Variants in NOS1 observed in about 807,000 individuals in gnomAD.
The protein encoded by NOS1 is nitric oxide synthase 1.
A neutral mutation model predicts 164.5 loss-of-function variants in NOS1; 51 were observed. The observed-to-expected ratio is 0.31, with a 90% CI of 0.25 to 0.39. The LOEUF (loss-of-function observed/expected upper bound fraction) is 0.39, where lower values mean the gene tolerates loss of function less well. NOS1 is among the 10% of genes least tolerant of loss of function. The pLI is 1.00. For missense variants in NOS1, 1,362 were observed against 1,885.6 expected (o/e 0.72, Z 5.14); for synonymous variants, 719 against 745.8 (o/e 0.96, Z 0.59).
intron 28 of NOS1, among the ~76,000 whole-genome samples, chr12:117,217,341 C>A (rs780890843): frequency 3.9e-5 from 6 of 152,116 alleles, no homozygotes; most frequent in Non-Finnish European, 8.8e-5. Context: ...GTAGAAGAAA[C>A]CCTTGCCCTA....
chr12:117,360,499 T>C (rs937329586), intron 1 of NOS1, among the ~76,000 whole-genome samples: 15 of 152,202 alleles, frequency 9.9e-5, no homozygotes, highest in Non-Finnish European at 2.9e-5. Context: ...GAAGCACAAC[T>C]TTCCCAGGTT....
intron 26 of NOS1, among the ~76,000 whole-genome samples, chr12:117,222,284 C>T (rs1044534542): frequency 6.6e-6 from 1 of 152,092 alleles, no homozygotes; most frequent in African/African-American, 2.4e-5. Flanking sequence ...GAGATGGAGT[C>T]TCACTTTGTC....
chr12:117,352,434 C>G (rs964223075), intron 1 of NOS1, among the ~76,000 whole-genome samples: 1 of 152,160 alleles, frequency 6.6e-6, no homozygotes, highest in Non-Finnish European at 1.5e-5. Flanking sequence ...AAACCTCAAG[C>G]TCATTTCTCA....
intron 12 of NOS1, 51 bp from the exon 13 acceptor site, chr12:117,264,025 G>A: frequency 1.3e-6 from 2 of 1,484,022 alleles, no homozygotes; most frequent in Non-Finnish European, 1.9e-6. Flanking sequence ...GAGGGCATCT[G>A]GTTCCTGTTG....
chr12:117,332,733 C>T (rs1049423419), intron 1 of NOS1, among the ~76,000 whole-genome samples: 2 of 152,016 alleles, frequency 1.3e-5, no homozygotes, highest in African/African-American at 4.8e-5. Context: ...GGTGTGGTGG[C>T]GGGTGCCTGT....
At chr12:117,232,239 G>T in intron 21 of NOS1, 108 bp from the exon 22 acceptor site, 1 of 979,350 alleles carries the variant, frequency 1.0e-6, no homozygotes, top group Non-Finnish European at 1.5e-6. Context: ...GAGGAGGGTG[G>T]CTCCAGAGCC....
chr12:117,269,591 C>A (rs1366063360), intron 10 of NOS1, among the ~76,000 whole-genome samples: 2 of 151,468 alleles, frequency 1.3e-5, no homozygotes, highest in Non-Finnish European at 2.9e-5. Context: ...CTCAGCCTCC[C>A]AAAGTAGCTG....
intron 15 of NOS1, 77 bp from the exon 16 acceptor site, chr12:117,258,532 G>T: frequency 1.4e-6 from 2 of 1,450,468 alleles, no homozygotes; most frequent in Non-Finnish European, 9.6e-7. Flanking sequence ...AGGGTCTGGG[G>T]TCCTGGCTGT....
intron 7 of NOS1, among the ~76,000 whole-genome samples, chr12:117,284,685 G>C (rs576694874): frequency 6.6e-6 from 1 of 152,286 alleles, no homozygotes; most frequent in East Asian, 1.9e-4. Context: ...GATGTTTGCT[G>C]CTGTAGTTTT....
intron 1 of NOS1, among the ~76,000 whole-genome samples, chr12:117,347,418 C>G (rs1360566794): frequency 6.6e-6 from 1 of 152,118 alleles, no homozygotes; most frequent in Non-Finnish European, 1.5e-5. Context: ...TGTTCCTGAG[C>G]ACACTCCAAA....
At position 117,345,399 on chromosome 12, in the gene NOS1, C is replaced by T. The variant is rs1876303432; in HGVS notation, c.-420-13910G>A. Among the ~76,000 whole-genome samples the T allele has an allele frequency of 2.0e-5, 3 of 152,194 alleles. No homozygotes were observed. The South Asian group carries it at 6.2e-4, about 32-fold the overall frequency. On this transcript the variant is annotated intron_variant, in intron 1 of 28. Transcript: ENST00000317775. ...TGCCCAACAGTCAAATATTGGCTCA[C>T]CTCCCTTCCTGGTGAAATACCTCCA...
At chr12:117,301,999 C>T (rs927353814) in intron 3 of NOS1, 5 of 456,590 alleles carry the variant, frequency 1.1e-5, no homozygotes, top group Non-Finnish European at 2.2e-5. Context: ...GGTTCAAATC[C>T]CATCTCCAAC....
At chr12:117,309,862 G>A (rs533857223) in intron 3 of NOS1, among the ~76,000 whole-genome samples, 34 of 152,138 alleles carry the variant, frequency 2.2e-4, no homozygotes, top group Non-Finnish European at 4.1e-4. Context: ...ACAAATGTAC[G>A]TGAATTTTGG....
chr12:117,357,503 C>A (rs1287440602), intron 1 of NOS1, among the ~76,000 whole-genome samples: 1 of 152,174 alleles, frequency 6.6e-6, no homozygotes, highest in Non-Finnish European at 1.5e-5. Context: ...GACAATAAGT[C>A]AAGACACTGA....
At chr12:117,275,663 C>A (rs939989565) in intron 9 of NOS1, among the ~76,000 whole-genome samples, 1 of 152,076 alleles carries the variant, frequency 6.6e-6, no homozygotes, top group African/African-American at 2.4e-5. Flanking sequence ...GTTTCCAATA[C>A]AAAGGATAAG....
rs34665031 is a variant in NOS1 at position 117,215,869 on chromosome 12, CTTTTTT to C, written c.4290-551_4290-546del. Among the ~76,000 whole-genome samples the C allele has an allele frequency of 9.4e-5, 8 of 85,426 alleles. No homozygotes were observed. In the East Asian group the frequency reaches 2.4e-3, roughly 26 times the overall value. The allele number at this position is 85,426 out of a possible 152,430, so 56.0% of individuals were successfully genotyped here. A position where few individuals can be genotyped will look rare whatever the true frequency, so the allele number is the denominator to read the frequency against. On this transcript the variant is annotated intron_variant, in intron 28 of 28. Coordinates refer to ENST00000317775, the MANE Select transcript of NOS1 (RefSeq NM_000620.5). ...CCAGGAAGAGAAACATTTAAAAGGACTTTTTTTTTTTTTTTTTTTTTTTTGAGACTG... is the reference window on the plus strand; with the variant it reads ...CCAGGAAGAGAAACATTTAAAAGGACTTTTTTTTTTTTTTTTTTGAGACTG...
intron 1 of NOS1, chr12:117,348,512 CCTGT>C (rs1436184808): frequency 3.3e-5 from 5 of 152,156 alleles, no homozygotes; most frequent in African/African-American, 9.7e-5. Context: ...TTGCACCATA[CCTGT>C]GTCTCACCTA....
rs949056490 is a variant in NOS1, at chr12:117,213,947, G to C, written c.*1362C>G. 1.0e-5 allele frequency: 10 copies of C among 985,262 alleles called. No homozygotes were observed. 61.0% of individuals were successfully genotyped at this position (985,262 alleles called of 1,614,324 possible). ...CGGCTCCAATTCCTACCGAAGACTTGGCTGCCCATTTTTGATCTGAGTTGA... is the reference window on the plus strand; with the variant it reads ...CGGCTCCAATTCCTACCGAAGACTTCGCTGCCCATTTTTGATCTGAGTTGA... On this transcript the variant is annotated 3_prime_UTR_variant, in exon 29 of 29. Transcript: ENST00000317775.
intron 1 of NOS1, among the ~76,000 whole-genome samples, chr12:117,352,304 A>T (rs546535099): frequency 1.3e-5 from 2 of 152,322 alleles, no homozygotes; most frequent in Non-Finnish European, 2.9e-5. Context: ...GCTTGCTATC[A>T]CTGAGAAGGA....
Sources: allele counts gnomAD v4.1 joint callset (sites outside exome capture counted in the v4.1 genomes callset), GRCh38; gene constraint gnomAD v4.1.1; transcripts MANE v1.5; gene names NCBI Gene and HGNC (gene_info 2026-07-23, HGNC 2026-07-21).